The following ANO5 variants were observed in gnomAD, a reference collection of about 807,000 sequenced individuals.
ANO5 encodes the protein anoctamin-5.
Under a neutral mutation model 121.0 loss-of-function variants are expected in ANO5, and 109 were observed. That is an observed-to-expected ratio of 0.90 (90% CI 0.77 to 1.06). ANO5 has a LOEUF of 1.06. Ranked by LOEUF, ANO5 falls within the 50% of genes least tolerant of loss-of-function variation. ANO5 has a pLI of 0.00. For missense variants in ANO5, 1,064 were observed against 1,078.5 expected (o/e 0.99, Z 0.19); for synonymous variants, 406 against 359.9 (o/e 1.13, Z -1.45).
At chr11:22,277,214 GA>G (rs998780423) in intron 21 of ANO5, among the ~76,000 whole-genome samples, 23 of 151,008 alleles carry the variant, frequency 1.5e-4, no homozygotes, top group East Asian at 1.2e-3. Flanking sequence ...GAGAGAGGGG[GA>G]AAAAAAACTT....
In ANO5 at chr11:22,281,082, CTT is replaced by C. The variant is rs1397465685; in HGVS notation, c.*1319_*1320del. 2.0e-5 allele frequency: 3 copies of C among 151,922 alleles called. No homozygotes were observed. Among genetic ancestry groups the C allele is most frequent in the African/African-American group, 4.8e-5 (2 of 41,416 alleles). 9.4% of individuals were successfully genotyped at this position (151,922 alleles called of 1,614,324 possible). On this transcript the variant is annotated 3_prime_UTR_variant, in exon 22 of 22. Coordinates refer to ENST00000324559, the MANE Select transcript of ANO5 (RefSeq NM_213599.3). ...ACTTAAAAAAACTAAATATGTATAACTTTGTGTATACACACACACACATCTAT... is the reference window on the plus strand; with the variant it reads ...ACTTAAAAAAACTAAATATGTATAACTGTGTATACACACACACACATCTAT...
chr11:22,268,944 C>T (rs1854467315), intron 17 of ANO5, among the ~76,000 whole-genome samples: 1 of 151,958 alleles, frequency 6.6e-6, no homozygotes, highest in South Asian at 2.1e-4. Flanking sequence ...GTCAAGGCCG[C>T]AGTGAGCTGT....
intron 7 of ANO5, among the ~76,000 whole-genome samples, chr11:22,235,916 A>G (rs901207394): frequency 6.6e-6 from 1 of 152,106 alleles, no homozygotes; most frequent in Non-Finnish European, 1.5e-5. Context: ...AGGAGAAGCA[A>G]AATAAATTAT....
In ANO5 at chr11:22,220,965, A is replaced by G. The variant is rs1349034216; in HGVS notation, c.181-132A>G. 15 of 675,372 alleles carry G rather than the reference A, an allele frequency of 2.2e-5. No individual in the cohort carries two copies. In the Middle Eastern group the frequency reaches 1.6e-3, roughly 73 times the overall value. 41.8% of individuals were successfully genotyped at this position (675,372 alleles called of 1,614,324 possible). ...TATATGGAATTTCACTTTATAAAAC[A>G]AAGCATAATCTGTTGCTGAAAACTC... On this transcript the variant is annotated intron_variant, in intron 4 of 21. Coordinates refer to ENST00000324559, the MANE Select transcript of ANO5 (RefSeq NM_213599.3).
chr11:22,261,766 G>A, intron 15 of ANO5: 1 of 248,110 alleles, frequency 4.0e-6, no homozygotes, highest in Non-Finnish European at 7.9e-6. Context: ...CTCCCACCAG[G>A]TCCCTCCCTT....
At chr11:22,224,844 T>C (rs1285512556) in intron 5 of ANO5, among the ~76,000 whole-genome samples, 1 of 152,042 alleles carries the variant, frequency 6.6e-6, no homozygotes, top group East Asian at 1.9e-4. Context: ...TGAAATACTA[T>C]CATTTGCAGC....
At chr11:22,205,873 G>A (rs1852104886) in intron 2 of ANO5, among the ~76,000 whole-genome samples, 1 of 152,006 alleles carries the variant, frequency 6.6e-6, no homozygotes, top group Non-Finnish European at 1.5e-5. Flanking sequence ...AAGATGAAAC[G>A]GACCAATTCT....
chr11:22,215,497 A>G (rs1041914027), intron 3 of ANO5, among the ~76,000 whole-genome samples: 1 of 151,862 alleles, frequency 6.6e-6, no homozygotes, highest in African/African-American at 2.4e-5. Context: ...CCTCAACTTC[A>G]CTTTTAAATA....
chr11:22,220,584 A>C (rs10833722), intron 4 of ANO5, among the ~76,000 whole-genome samples: 107,156 of 151,880 alleles, frequency 0.71, 38,994 homozygotes, highest in Non-Finnish European at 0.81. Context: ...TACCTGCTTT[A>C]TAATATTTAA....
At chr11:22,241,684 A>G (rs10833728) in intron 9 of ANO5, among the ~76,000 whole-genome samples, 102,569 of 151,866 alleles carry the variant, frequency 0.68, 36,670 homozygotes, top group Non-Finnish European at 0.81. Flanking sequence ...GGCTGCTTGT[A>G]TGTATTTTGA....
At position 22,221,155 on chromosome 11, in the gene ANO5, T is replaced by C; in HGVS notation, c.239T>C (p.Ile80Thr). 1 of 1,611,988 alleles carries C rather than the reference T, an allele frequency of 6.2e-7. No homozygotes were observed. Among genetic ancestry groups the C allele is most frequent in the African/African-American group, 1.3e-5 (1 of 74,932 alleles). ...TTCTTCCGAGATGGGATTAGGCAAA[T>C]TGATTTTGTGCTTTCCTACGTTGAT... ...SIFFRDGIRQIDFVLSYVDDV... is the reference protein window; with the variant it reads ...SIFFRDGIRQTDFVLSYVDDV... The change falls in exon 5 of 22, where the codon ATT becomes ACT. Residue 80 changes from isoleucine to threonine, a missense_variant. By Grantham distance (89) the Ile-to-Thr change is moderately conservative. Coordinates refer to ENST00000324559, the MANE Select transcript of ANO5 (RefSeq NM_213599.3).
At chr11:22,224,057 T>C (rs1253240714) in intron 5 of ANO5, among the ~76,000 whole-genome samples, 1 of 152,170 alleles carries the variant, frequency 6.6e-6, no homozygotes, top group Non-Finnish European at 1.5e-5. Context: ...ATGTTCTTCA[T>C]GTGGCTTCCA....
rs766096861 is a variant in ANO5 at position 22,274,648 on chromosome 11, C to T, written c.2315C>T (p.Pro772Leu). 3 of 1,613,482 alleles carry T rather than the reference C, an allele frequency of 1.9e-6. No homozygotes were observed. Among genetic ancestry groups the T allele is most frequent in the Non-Finnish European group, 2.5e-6 (3 of 1,179,654 alleles). The stretch of plus-strand genomic sequence containing the variant: ...GCTTACTCAACAAATGCCACACAGC[C>T]TATGACAGGATATGTGAATAATAGC... Reference protein sequence around the residue: ...YYAYSTNATQPMTGYVNNSLS... With the variant: ...YYAYSTNATQLMTGYVNNSLS... Residue 772 changes from proline to leucine, a missense_variant, in exon 20 of 22, where the codon CCT becomes CTT. Transcript: ENST00000324559.
chr11:22,279,852 AT>A lies in ANO5; in HGVS notation c.*91del. 3.5e-6 allele frequency: 4 copies of A among 1,127,348 alleles called. No individual in the cohort carries two copies. The highest frequency in any genetic ancestry group is 5.0e-6 in the Non-Finnish European group (4 of 800,498). The allele number at this position is 1,127,348 out of a possible 1,614,324, so 69.8% of individuals were successfully genotyped here. ...GCCAGACGCCAGAAGCCATGTGTCAATTTTACCCTTTCTTTTTTTTTTTTTT... is the reference window on the plus strand; with the variant it reads ...GCCAGACGCCAGAAGCCATGTGTCAATTTACCCTTTCTTTTTTTTTTTTTT... On this transcript the variant is annotated 3_prime_UTR_variant, in exon 22 of 22. Transcript: ENST00000324559.
intron 17 of ANO5, among the ~76,000 whole-genome samples, chr11:22,268,445 T>C (rs1436070522): frequency 6.6e-6 from 1 of 152,106 alleles, no homozygotes; most frequent in Admixed American, 6.5e-5. Flanking sequence ...TTAGAATATA[T>C]ATGTTTTCTA....
intron 6 of ANO5, among the ~76,000 whole-genome samples, chr11:22,226,291 G>T (rs1350053796): frequency 6.6e-6 from 1 of 152,084 alleles, no homozygotes; most frequent in Admixed American, 6.6e-5. Context: ...AGGATACAAA[G>T]AGAAAGAAGA....
Position 22,227,401 on chromosome 11 carries a change from G to A in ANO5, c.463G>A (p.Glu155Lys), listed in dbSNP as rs377650308. ...CTTGGGAATCAAAATGCCTATTAAG[G>A]AGAGTGATATTCCCCGCCCTAAGCA... ...EVLGIKMPIKESDIPRPKHTP... is the reference protein window; with the variant it reads ...EVLGIKMPIKKSDIPRPKHTP... Residue 155 changes from glutamate to lysine, a missense_variant, in exon 7 of 22, where the codon GAG becomes AAG. By Grantham distance (56) the Glu-to-Lys change is moderately conservative. Transcript: ENST00000324559. 1.4e-5 allele frequency: 23 copies of A among 1,613,404 alleles called. No individual in the cohort carries two copies. The highest frequency in any genetic ancestry group is 1.9e-5 in the Non-Finnish European group (23 of 1,179,768).
rs142939381 is a variant in ANO5, at chr11:22,227,570, C to T, written c.632C>T (p.Ser211Leu). 5 of 1,613,380 alleles carry T rather than the reference C, an allele frequency of 3.1e-6. No homozygotes were observed. Among genetic ancestry groups the T allele is most frequent in the Middle Eastern group, 1.7e-4 (1 of 6,052 alleles). Reference protein sequence around the residue: ...IEDQATFFPSSSRNRIVYYIL... With the variant: ...IEDQATFFPSLSRNRIVYYIL... ...GATCAGGCAACCTTCTTTCCATCCT[C>T]ATCAAGAAACAGAATTGTAGGTAGA... Residue 211 changes from serine to leucine, a missense_variant, in exon 7 of 22, where the codon TCA becomes TTA. Physicochemically the swap from Ser to Leu is moderately radical, Grantham distance 145. Transcript: ENST00000324559.
chr11:22,206,437 T>A (rs1223117945), intron 2 of ANO5, among the ~76,000 whole-genome samples: 1 of 152,008 alleles, frequency 6.6e-6, no homozygotes, highest in Non-Finnish European at 1.5e-5. Flanking sequence ...CTTCCTCTCC[T>A]GAGTAGCTGG....
Sources: allele counts gnomAD v4.1 joint callset (sites outside exome capture counted in the v4.1 genomes callset), GRCh38; gene constraint gnomAD v4.1.1; transcripts MANE v1.5; gene names NCBI Gene and HGNC (gene_info 2026-07-23, HGNC 2026-07-21).